ALMS1: variants seen among roughly 807,000 people sequenced by gnomAD.
ALMS1 encodes the protein centrosome-associated protein ALMS1.
A neutral mutation model predicts 352.2 loss-of-function variants in ALMS1; 271 were observed. The ratio of observed to expected loss-of-function variants is 0.77; its 90% CI spans 0.70 to 0.85. The LOEUF (loss-of-function observed/expected upper bound fraction) is 0.85, where lower values mean the gene tolerates loss of function less well. ALMS1 is among the 40% of genes least tolerant of loss of function. The pLI, the probability that ALMS1 is intolerant of heterozygous loss-of-function variation, is 0.00. For missense variants in ALMS1, 5,445 were observed against 4,870.7 expected, an observed-to-expected ratio of 1.12 and a Z score of -3.51; for synonymous variants, 1,865 against 1,761.2, an observed-to-expected ratio of 1.06 and a Z score of -1.48.
At chr2:73,526,767 C>G (rs1673799618) in intron 11 of ALMS1, among the ~76,000 whole-genome samples, 1 of 152,070 alleles carries the variant, frequency 6.6e-6, no homozygotes. Flanking sequence ...TTCTATCTTT[C>G]TCTTGTCTGA....
rs1360502187 is a variant in ALMS1 at position 73,479,543 on chromosome 2, T to C, written c.7675-10091T>C. Among the ~76,000 whole-genome samples, 3 of 152,194 alleles carry C rather than the reference T, an allele frequency of 2.0e-5. No individual in the cohort carries two copies. The East Asian group carries it at 5.8e-4, about 29-fold the overall frequency. ...TATCTGGAGATTCATCCAGACTGTT[T>C]TATGTATCAGTAGTTTTTCTTTTTT... On this transcript the variant is annotated intron_variant, in intron 9 of 22. Transcript: ENST00000613296.
intron 6 of ALMS1, among the ~76,000 whole-genome samples, chr2:73,428,682 C>G (rs1424055165): frequency 6.6e-6 from 1 of 152,196 alleles, no homozygotes; most frequent in Non-Finnish European, 1.5e-5. Context: ...TTCTTTCAAT[C>G]TAAGGAAGAT....
At position 73,451,320 on chromosome 2, in the gene ALMS1, C is replaced by T; in HGVS notation, c.4793C>T (p.Ser1598Phe). 1.2e-6 allele frequency: 2 copies of T among 1,614,090 alleles called. No homozygotes were observed. The highest frequency in any genetic ancestry group is 1.7e-6 in the Non-Finnish European group (2 of 1,179,994). The change falls in exon 8 of 23, where the codon TCC becomes TTC. Residue 1598 changes from serine (S) to phenylalanine (F), a missense_variant. Physicochemically the swap from Ser to Phe is radical, Grantham distance 155. Transcript: ENST00000613296. ...GHLPEEALKV[S>F]IVSGPTEKKT... The stretch of plus-strand genomic sequence containing the variant: ...CTACCTGAAGAGGCTCTGAAAGTTT[C>T]CATTGTTTCTGGACCTACTGAAAAA...
chr2:73,494,558 A>G (rs900330096), intron 10 of ALMS1, among the ~76,000 whole-genome samples: 1 of 152,106 alleles, frequency 6.6e-6, no homozygotes, highest in Non-Finnish European at 1.5e-5. Context: ...AGACTCCTCC[A>G]ATCTATGACA....
chr2:73,393,371 C>T (rs1276665510), intron 1 of ALMS1, among the ~76,000 whole-genome samples: 6 of 150,380 alleles, frequency 4.0e-5, no homozygotes, highest in Non-Finnish European at 8.9e-5. Context: ...TTTATTCTTT[C>T]GTATGTGACT....
At chr2:73,432,329 G>A (rs374677818) in intron 7 of ALMS1, 38 bp downstream of exon 7, 36 of 1,452,658 alleles carry the variant, frequency 2.5e-5, no homozygotes, top group African/African-American at 1.8e-4. Context: ...TCCTACTTAC[G>A]GATACCTTGT....
chr2:73,497,167 C>CA (rs909826484), intron 10 of ALMS1, among the ~76,000 whole-genome samples: 9 of 152,032 alleles, frequency 5.9e-5, no homozygotes, highest in Admixed American at 2.6e-4. Flanking sequence ...TGGTTTCTGG[C>CA]AAAAAATTCA....
chr2:73,391,025 C>T (rs749983295), intron 1 of ALMS1, among the ~76,000 whole-genome samples: 3 of 152,064 alleles, frequency 2.0e-5, no homozygotes, highest in Admixed American at 6.6e-5. Context: ...CCCGCCTCGG[C>T]CTCCCAAAGT....
At chr2:73,595,493 G>A (rs1435615340) in intron 16 of ALMS1, among the ~76,000 whole-genome samples, 3 of 152,128 alleles carry the variant, frequency 2.0e-5, no homozygotes, top group Non-Finnish European at 4.4e-5. Context: ...TTTTGTTGCT[G>A]AATAGTGTTC....
At chr2:73,500,846 C>G (rs1399449941) in intron 10 of ALMS1, among the ~76,000 whole-genome samples, 1 of 152,064 alleles carries the variant, frequency 6.6e-6, no homozygotes, top group Non-Finnish European at 1.5e-5. Flanking sequence ...CACAGTCTTC[C>G]AATAGCTGCT....
At position 73,573,069 on chromosome 2, in the gene ALMS1, G is replaced by A. The variant is rs756136080; in HGVS notation, c.11192G>A (p.Ser3731Asn). 8.1e-6 allele frequency: 13 copies of A among 1,613,910 alleles called. No individual in the cohort carries two copies. In the East Asian group the frequency reaches 2.7e-4, roughly 33 times the overall value. Residue 3731 changes from serine to asparagine, a missense_variant, in exon 16 of 23, where the codon AGC (serine) becomes AAC (asparagine). Transcript: ENST00000613296. ...LSKQPGFNYI[S>N]NTSSDCRPSE... ...AAACAGCCAGGTTTTAATTATATAA[G>A]CAACACTTCTTCGGATTGTCGGCCC...
Position 73,490,950 on chromosome 2 carries a change from G to T in ALMS1, c.8991G>T (p.Lys2997Asn). The T allele has an allele frequency of 6.2e-7, 1 of 1,614,174 alleles. No individual in the cohort carries two copies. Among genetic ancestry groups the T allele is most frequent in the Non-Finnish European group, 8.5e-7 (1 of 1,180,018 alleles). The change falls in exon 10 of 23, where the codon AAG becomes AAT. Residue 2997 changes from lysine (K) to asparagine (N), a missense_variant. Lys to Asn is a moderately conservative substitution (Grantham distance 94, BLOSUM62 0). Coordinates refer to ENST00000613296, the MANE Select transcript of ALMS1 (RefSeq NM_001378454.1). The part of the protein sequence containing the change: ...LPQGQDCVVE[K>N]NNQHKPKSHI... The stretch of plus-strand genomic sequence containing the variant: ...AAGGTCAGGATTGTGTAGTGGAAAA[G>T]AATAATCAACATAAGCCTAAATCAC...
chr2:73,554,383 A>G (rs927646481), intron 13 of ALMS1, among the ~76,000 whole-genome samples: 2 of 152,114 alleles, frequency 1.3e-5, no homozygotes, highest in Non-Finnish European at 2.9e-5. Context: ...ATTCAACAGT[A>G]CATTTCAGAA....
At chr2:73,559,164 T>C (rs368664048) in intron 15 of ALMS1, 22 bp downstream of exon 15, 115 of 1,607,712 alleles carry the variant, frequency 7.2e-5, no homozygotes, top group Non-Finnish European at 9.5e-5. Context: ...GGGTTGTGTA[T>C]GAGTGTGTGT....
rs1346123495 is a variant in ALMS1, at chr2:73,490,961, A to G, written c.9002A>G (p.His3001Arg). ...TGTGTAGTGGAAAAGAATAATCAAC[A>G]TAAGCCTAAATCACACATTTCTAAT... ...QDCVVEKNNQ[H>R]KPKSHISNIN... Residue 3001 changes from histidine to arginine, a missense_variant, in exon 10 of 23, where the codon CAT (histidine) becomes CGT (arginine). By Grantham distance (29) the His-to-Arg change is conservative. Coordinates refer to ENST00000613296, the MANE Select transcript of ALMS1 (RefSeq NM_001378454.1). 2 of 1,614,220 alleles carry G rather than the reference A, an allele frequency of 1.2e-6. No individual in the cohort carries two copies. Among genetic ancestry groups the G allele is most frequent in the Admixed American group, 1.7e-5 (1 of 60,032 alleles).
intron 12 of ALMS1, 141 bp downstream of exon 12, chr2:73,535,090 C>T: frequency 9.6e-7 from 1 of 1,037,232 alleles, no homozygotes; most frequent in Non-Finnish European, 1.5e-6. Flanking sequence ...ATCTCTGGTT[C>T]AGATAGGTGA....
intron 13 of ALMS1, among the ~76,000 whole-genome samples, chr2:73,552,088 T>A (rs1209011911): frequency 6.6e-6 from 1 of 152,130 alleles, no homozygotes; most frequent in Non-Finnish European, 1.5e-5. Flanking sequence ...AGTTTTAGGG[T>A]ACATGTGCAC....
intron 1 of ALMS1, among the ~76,000 whole-genome samples, chr2:73,401,359 C>A (rs367803041): frequency 6.6e-6 from 1 of 151,982 alleles, no homozygotes; most frequent in East Asian, 1.9e-4. Context: ...TATATACATT[C>A]GGTGTTATAA....
At chr2:73,546,028 A>G (rs1409367116) in intron 12 of ALMS1, among the ~76,000 whole-genome samples, 1 of 152,172 alleles carries the variant, frequency 6.6e-6, no homozygotes, top group Non-Finnish European at 1.5e-5. Context: ...GTGCAGTGCT[A>G]TGTTACAAGC....
Sources: gnomAD v4.1 joint callset for allele counts (sites outside exome capture counted in the v4.1 genomes callset) on GRCh38, gnomAD v4.1.1 for gene constraint, MANE v1.5 for transcripts, NCBI Gene and HGNC (gene_info 2026-07-23, HGNC 2026-07-21) for gene names.